PLOD2: variants seen among roughly 807,000 people sequenced by gnomAD.
PLOD2 encodes the protein lysine hydroxylase 2.
In PLOD2, 65 loss-of-function variants were observed where a neutral mutation model predicts 101.0. The observed-to-expected ratio is 0.64, with a 90% confidence interval of 0.53 to 0.79. PLOD2 has a LOEUF of 0.79. Ranked by LOEUF, PLOD2 falls within the 30% of genes least tolerant of loss-of-function variation. PLOD2 has a pLI of 0.00. For synonymous variants in PLOD2, 314 were observed against 302.9 expected (o/e 1.04, Z -0.38); for missense variants, 909 against 914.6 (o/e 0.99, Z 0.08).
intron 11 of PLOD2, among the ~76,000 whole-genome samples, chr3:146,084,583 A>G (rs1304863793): frequency 6.6e-6 from 1 of 152,170 alleles, no homozygotes; most frequent in Non-Finnish European, 1.5e-5. Context: ...TAGCAGGAGT[A>G]GTAAAAATGG....
chr3:146,093,444 A>G (rs897041550), intron 7 of PLOD2, among the ~76,000 whole-genome samples: 4 of 152,224 alleles, frequency 2.6e-5, no homozygotes, highest in African/African-American at 9.6e-5. Flanking sequence ...ATGTGTCTTG[A>G]TAATAAAAAC....
chr3:146,102,268 CAGAA>C (rs1180009071), intron 7 of PLOD2, among the ~76,000 whole-genome samples: 2 of 152,150 alleles, frequency 1.3e-5, no homozygotes, highest in Non-Finnish European at 2.9e-5. Context: ...ACATTTGAAA[CAGAA>C]AGGCATCCAA....
At position 146,104,315 on chromosome 3, in the gene PLOD2, T is replaced by C. The variant is rs1374858567; in HGVS notation, c.643A>G (p.Lys215Glu). 6.4e-7 allele frequency: 1 copy of C among 1,574,716 alleles called. No homozygotes were observed. The highest frequency in any genetic ancestry group is 8.7e-7 in the Non-Finnish European group (1 of 1,144,324). The change falls in exon 6 of 20, where the codon AAA becomes GAA. Residue 215 changes from lysine (K) to glutamate (E), a missense_variant. By Grantham distance (56) the Lys-to-Glu change is moderately conservative (BLOSUM62 1). Transcript: ENST00000282903. ...TTTAAGGTCTGGAAAATTTTGCATT[T>C]GTGATCCAATGTGATGTTAATAGCT... ...REAINITLDHKCKIFQTLNGA... is the reference protein window; with the variant it reads ...REAINITLDHECKIFQTLNGA...
At chr3:146,087,164 C>T (rs553608035) in intron 9 of PLOD2, among the ~76,000 whole-genome samples, 78 of 151,974 alleles carry the variant, frequency 5.1e-4, no homozygotes, top group Non-Finnish European at 9.3e-4. Context: ...TACTGCTAGA[C>T]AAGTCTTTGT....
At chr3:146,126,586 T>C (rs4681298) in intron 1 of PLOD2, among the ~76,000 whole-genome samples, 13,563 of 152,118 alleles carry the variant, frequency 0.089, 785 homozygotes, top group South Asian at 0.15. Context: ...AGAAATTCTA[T>C]AGGACAAATG....
At chr3:146,127,505 AT>A (rs550045405) in intron 1 of PLOD2, among the ~76,000 whole-genome samples, 7 of 150,786 alleles carry the variant, frequency 4.6e-5, no homozygotes, top group East Asian at 2.0e-4. Flanking sequence ...ACAGGATTTC[AT>A]TTTTTTTTAA....
In PLOD2 at chr3:146,071,104, G is replaced by A. The variant is rs773937071; in HGVS notation, c.2059C>T (p.His687Tyr). ...SPERQRSLRP[H>Y]HDASTFTINI... is the part of the protein sequence containing the mutation. Reference sequence around the variant, plus strand: ...ATGGTAAATGTAGAAGCATCATGATGAGGACGAAGAGAACGCTGTCGTTCA... The same window carrying A: ...ATGGTAAATGTAGAAGCATCATGATAAGGACGAAGAGAACGCTGTCGTTCA... Residue 687 changes from histidine to tyrosine, a missense_variant, in exon 19 of 20, where the codon CAT becomes TAT. Physicochemically the swap from His to Tyr is moderately conservative, Grantham distance 83. Transcript: ENST00000282903. The A allele has an allele frequency of 6.2e-6, 10 of 1,609,802 alleles. No individual in the cohort carries two copies. Among genetic ancestry groups the A allele is most frequent in the Non-Finnish European group, 7.6e-6 (9 of 1,176,898 alleles).
intron 1 of PLOD2, among the ~76,000 whole-genome samples, chr3:146,129,222 T>A (rs564883728): frequency 9.6e-4 from 146 of 152,264 alleles, no homozygotes; most frequent in African/African-American, 3.4e-3. Context: ...TTGAGAAACT[T>A]CTTCTGCAAA....
intron 7 of PLOD2, among the ~76,000 whole-genome samples, chr3:146,102,292 GGTCAAATTAT>G (rs1379081396): frequency 1.3e-5 from 2 of 152,032 alleles, no homozygotes; most frequent in African/African-American, 4.8e-5. Context: ...AAATTTTATT[GGTCAAATTAT>G]GTCACTTTCA....
At chr3:146,110,203 TA>T in intron 4 of PLOD2, 81 bp downstream of exon 4, 1 of 1,202,042 alleles carries the variant, frequency 8.3e-7, no homozygotes, top group Non-Finnish European at 1.2e-6. Flanking sequence ...ACTTCATATC[TA>T]AAGTTACTAC....
At chr3:146,075,072 C>A (rs1449489255) in intron 15 of PLOD2, among the ~76,000 whole-genome samples, 1 of 151,584 alleles carries the variant, frequency 6.6e-6, no homozygotes, top group South Asian at 2.1e-4. Flanking sequence ...CTCAAGACAC[C>A]AAGAGATTCA....
At chr3:146,124,323 C>G (rs150662507) in intron 1 of PLOD2, 94 bp from the exon 2 acceptor site, 1 of 717,156 alleles carries the variant, frequency 1.4e-6, no homozygotes, top group Non-Finnish European at 2.5e-6. Context: ...TCACTAAACC[C>G]GTGGGAATAT....
intron 1 of PLOD2, among the ~76,000 whole-genome samples, chr3:146,160,263 C>T (rs1273126334): frequency 6.6e-6 from 1 of 152,152 alleles, no homozygotes; most frequent in East Asian, 1.9e-4. Flanking sequence ...GCACCGGGCT[C>T]AAGAAAAGGG....
chr3:146,117,955 T>C (rs2864793), intron 3 of PLOD2, among the ~76,000 whole-genome samples: 72,341 of 151,608 alleles, frequency 0.48, 17,405 homozygotes, highest in East Asian at 0.56. Context: ...TGGGGGATGG[T>C]GATGCGAGAG....
chr3:146,126,351 G>C (rs1299176974), intron 1 of PLOD2, among the ~76,000 whole-genome samples: 2 of 109,206 alleles, frequency 1.8e-5, no homozygotes, highest in African/African-American at 7.1e-5. Context: ...ATCTTAGTTG[G>C]AGAAAAAAAA....
chr3:146,097,025 A>G (rs1937206752), intron 7 of PLOD2, among the ~76,000 whole-genome samples: 2 of 142,724 alleles, frequency 1.4e-5, no homozygotes, highest in Admixed American at 6.8e-5. Flanking sequence ...CCGCCCGGCC[A>G]GCCGCCCCGT....
intron 1 of PLOD2, among the ~76,000 whole-genome samples, chr3:146,144,033 G>A (rs190604999): frequency 3.9e-4 from 60 of 152,164 alleles, no homozygotes; most frequent in Non-Finnish European, 8.7e-4. Context: ...CCCGCTGCCT[G>A]TAATCCTCCT....
chr3:146,073,261 T>C, intron 16 of PLOD2, 26 bp downstream of exon 16: 2 of 902,088 alleles, frequency 2.2e-6, no homozygotes, highest in Non-Finnish European at 3.5e-6. Context: ...CAAAATTTTC[T>C]ATACTTTGTA....
At chr3:146,094,071 C>A (rs745788507) in intron 7 of PLOD2, among the ~76,000 whole-genome samples, 1 of 152,142 alleles carries the variant, frequency 6.6e-6, no homozygotes, top group South Asian at 2.1e-4. Context: ...CAGCTCTAGA[C>A]GGTGCAGAAG....
Sources: allele counts gnomAD v4.1 joint callset (sites outside exome capture counted in the v4.1 genomes callset), GRCh38; gene constraint gnomAD v4.1.1; transcripts MANE v1.5; gene names NCBI Gene and HGNC (gene_info 2026-07-23, HGNC 2026-07-21).